Variants in GEN1 observed in about 807,000 individuals in gnomAD.
GEN1 encodes flap endonuclease GEN homolog 1.
Under a neutral mutation model 67.6 loss-of-function variants are expected in GEN1, and 64 were observed. The observed-to-expected ratio is 0.95, with a 90% CI of 0.77 to 1.17. The LOEUF is 1.17. GEN1 is among the 50% of genes most tolerant of loss of function. The probability of loss-of-function intolerance (pLI) is 0.00; values close to 1 mark genes in which losing one functional copy is unlikely to be tolerated. For synonymous variants in GEN1, 371 were observed against 359.4 expected (o/e 1.03, Z -0.37); for missense variants, 1,058 against 1,048.3 (o/e 1.01, Z -0.13).
At chr2:17,759,807 GA>G (rs550495634) in intron 1 of GEN1, 121 bp from the exon 2 acceptor site, 2 of 778,342 alleles carry the variant, frequency 2.6e-6, no homozygotes, top group South Asian at 2.6e-5. Flanking sequence ...GCTGACTGAT[GA>G]AAAAAATAAG....
intron 1 of GEN1, among the ~76,000 whole-genome samples, chr2:17,759,508 C>T (rs952667047): frequency 2.6e-5 from 4 of 151,998 alleles, no homozygotes; most frequent in African/African-American, 7.2e-5. Flanking sequence ...CATTTTCTCT[C>T]GTTTCTTCTT....
Position 17,761,528 on chromosome 2 carries a change from A to G in GEN1, c.294A>G (p.Gly98=), listed in dbSNP as rs1671676930. Residue 98 remains glycine (G), a synonymous_variant, in exon 3 of 14, where the codon GGA becomes GGG. Coordinates refer to ENST00000381254, the MANE Select transcript of GEN1 (RefSeq NM_001130009.3). ...ATCAGTCTCGGTATGGGTCTTCTGG[A>G]AAATCGTGGTCTCAGAAAACAGGGA... The part of the protein sequence containing the change: ...KRNQSRYGSS[G]KSWSQKTGRS... 3 of 1,613,180 alleles carry G rather than the reference A, an allele frequency of 1.9e-6. No homozygotes were observed. Among genetic ancestry groups the G allele is most frequent in the Non-Finnish European group, 2.5e-6 (3 of 1,179,632 alleles).
At chr2:17,773,894 A>G (rs1460701801) in intron 10 of GEN1, among the ~76,000 whole-genome samples, 1 of 152,146 alleles carries the variant, frequency 6.6e-6, no homozygotes, top group Non-Finnish European at 1.5e-5. Flanking sequence ...AGCCACATTA[A>G]TAATGACAGC....
At chr2:17,779,387 G>A (rs189089075) in intron 12 of GEN1, among the ~76,000 whole-genome samples, 5 of 152,280 alleles carry the variant, frequency 3.3e-5, no homozygotes, top group African/African-American at 1.2e-4. Context: ...AAAGTTTTCT[G>A]TCCTTTCAGC....
chr2:17,777,665 CAG>C (rs1489620993), intron 11 of GEN1, among the ~76,000 whole-genome samples: 8 of 151,990 alleles, frequency 5.3e-5, no homozygotes, highest in African/African-American at 1.9e-4. Context: ...TAATACTACA[CAG>C]AGTTTGAAAA....
chr2:17,760,589 A>G (rs1671629119), intron 2 of GEN1, among the ~76,000 whole-genome samples: 1 of 152,144 alleles, frequency 6.6e-6, no homozygotes, highest in African/African-American at 2.4e-5. Flanking sequence ...TTTTCCACAT[A>G]GCAATTAGAA....
intron 1 of GEN1, 80 bp from the exon 2 acceptor site, chr2:17,759,849 C>A: frequency 8.1e-7 from 1 of 1,234,108 alleles, no homozygotes; most frequent in Admixed American, 1.9e-5. Flanking sequence ...CCTGAACTGG[C>A]TTATAATATA....
rs558397852 is a variant in GEN1 at position 17,762,527 on chromosome 2, G to A, written c.348+945G>A. On this transcript the variant is annotated intron_variant, in intron 3 of 13. Transcript: ENST00000381254. ...TGGCCTTTTTTGTCTGTTTTCAAAT[G>A]TGTGTATTTTTAAAGAGTTGTAGTA... 2.0e-5 allele frequency among the ~76,000 whole-genome samples: 3 copies of A among 152,020 alleles called. No individual in the cohort carries two copies. In the South Asian group the frequency reaches 6.2e-4, roughly 31 times the overall value.
In GEN1 at chr2:17,780,082, C is replaced by T. The variant is rs1284406275; in HGVS notation, c.1369C>T (p.Gln457Ter). 6.2e-6 allele frequency: 10 copies of T among 1,611,502 alleles called. No individual in the cohort carries two copies. The Admixed American group carries it at 1.7e-4, about 27-fold the overall frequency. The change falls in exon 13 of 14, where the codon CAA becomes TAA. Residue 457 changes from glutamine to a stop codon, truncating the protein, a stop_gained. Coordinates refer to ENST00000381254, the MANE Select transcript of GEN1 (RefSeq NM_001130009.3). LOFTEE classifies it low-confidence loss of function (END_TRUNC). ...AAYPEIVAVY[Q>*]KQKLEIKGKK... ...ATATCCTGAGATCGTTGCTGTTTAC[C>T]AAAAACAAAAGTTAGAAATTAAAGG...
At chr2:17,753,370 C>G (rs113942826), upstream of GEN1, among the ~76,000 whole-genome samples, 1 of 151,554 alleles carries the variant, frequency 6.6e-6, no homozygotes, top group East Asian at 1.9e-4. Context: ...AGGGGACGGC[C>G]CGGAGCAGAC....
chr2:17,776,514 A>T (rs1300155766), intron 11 of GEN1, among the ~76,000 whole-genome samples: 1 of 152,204 alleles, frequency 6.6e-6, no homozygotes, highest in Non-Finnish European at 1.5e-5. Context: ...GGAGAAAGCA[A>T]ATGTGATAAA....
chr2:17,774,156 T>G (rs1023316025), intron 10 of GEN1, 115 bp from the exon 11 acceptor site: 1 of 458,232 alleles, frequency 2.2e-6, no homozygotes, highest in Non-Finnish European at 3.7e-6. Context: ...AATATTCTCA[T>G]TGATACTACT....
chr2:17,771,354 CT>C, intron 7 of GEN1, 67 bp downstream of exon 7: 1 of 911,560 alleles, frequency 1.1e-6, no homozygotes. Context: ...TCACATAGTA[CT>C]TTTTACATGC....
intron 5 of GEN1, among the ~76,000 whole-genome samples, chr2:17,767,525 CTG>C (rs1043452496): frequency 2.0e-5 from 3 of 151,976 alleles, no homozygotes; most frequent in Non-Finnish European, 4.4e-5. Context: ...TTTTTTTAAA[CTG>C]TGAGGAAAAG....
In GEN1 at chr2:17,782,553, G is replaced by A. The variant is rs1304341515; in HGVS notation, c.*614G>A. 1 of 152,230 alleles carries A rather than the reference G, an allele frequency of 6.6e-6. No individual in the cohort carries two copies. The highest frequency in any genetic ancestry group is 1.5e-5 in the Non-Finnish European group (1 of 68,040). The allele number at this position is 152,230 out of a possible 1,614,324, so 9.4% of individuals were successfully genotyped here. ...CTTTTGAGGGGCAAAAATAGAAAAGGAGAGAAGATGTCAGTATGTTTAGTA... is the reference window on the plus strand; with the variant it reads ...CTTTTGAGGGGCAAAAATAGAAAAGAAGAGAAGATGTCAGTATGTTTAGTA... On this transcript the variant is annotated 3_prime_UTR_variant, in exon 14 of 14. Coordinates refer to ENST00000381254, the MANE Select transcript of GEN1 (RefSeq NM_001130009.3).
At chr2:17,767,568 A>C (rs1303798540) in intron 5 of GEN1, among the ~76,000 whole-genome samples, 2 of 152,182 alleles carry the variant, frequency 1.3e-5, no homozygotes, top group South Asian at 2.1e-4. Flanking sequence ...TTTAAATACC[A>C]CAAACCATTA....
chr2:17,781,191 T>G lies in GEN1; in HGVS notation c.1979T>G (p.Leu660Arg). The change falls in exon 14 of 14, where the codon CTA becomes CGA. Residue 660 changes from leucine to arginine, a missense_variant. Physicochemically the swap from Leu to Arg is moderately radical, Grantham distance 102. Transcript: ENST00000381254. ...DSDGISPEEH[L>R]LSGITDLCLQ... The stretch of plus-strand genomic sequence containing the variant: ...GATGGGATTAGTCCTGAAGAGCATC[T>G]ACTTTCTGGCATTACTGATTTATGT... 2.5e-6 allele frequency: 4 copies of G among 1,613,816 alleles called. No individual in the cohort carries two copies. In the South Asian group the frequency reaches 4.4e-5, roughly 18 times the overall value.
Position 17,771,303 on chromosome 2 carries a change from G to A in GEN1, c.802+16G>A, listed in dbSNP as rs1415338942. 1 of 1,454,752 alleles carries A rather than the reference G, an allele frequency of 6.9e-7. No homozygotes were observed. The highest frequency in any genetic ancestry group is 1.1e-5 in the South Asian group (1 of 87,834). The allele number at this position is 1,454,752 out of a possible 1,614,324, so 90.1% of individuals were successfully genotyped here. Reference sequence around the variant, plus strand: ...TCCCATCCAGGTAAGGAGACATAGGGAATGGTTATTAGTATCTCATACCCA... The same window carrying A: ...TCCCATCCAGGTAAGGAGACATAGGAAATGGTTATTAGTATCTCATACCCA... On this transcript the variant is annotated intron_variant, in intron 7 of 13. Coordinates refer to ENST00000381254, the MANE Select transcript of GEN1 (RefSeq NM_001130009.3).
At chr2:17,760,966 C>G (rs1671648381) in intron 2 of GEN1, among the ~76,000 whole-genome samples, 1 of 150,396 alleles carries the variant, frequency 6.6e-6, no homozygotes, top group South Asian at 2.1e-4. Flanking sequence ...CACAGTGGCT[C>G]ACACTTGTAT....
Sources: allele counts gnomAD v4.1 joint callset (sites outside exome capture counted in the v4.1 genomes callset), GRCh38; gene constraint gnomAD v4.1.1; transcripts MANE v1.5; gene names NCBI Gene and HGNC (gene_info 2026-07-23, HGNC 2026-07-21).